PTPN20: variants seen among roughly 807,000 people sequenced by gnomAD.
PTPN20 encodes the protein protein tyrosine phosphatase non-receptor type 20, also known as tyrosine-protein phosphatase non-receptor type 20.
In PTPN20, 9 loss-of-function variants were observed where a neutral mutation model predicts 35.0. The observed-to-expected ratio is 0.26, with a 90% CI of 0.15 to 0.45. The LOEUF (loss-of-function observed/expected upper bound fraction) is 0.45. Ranked by LOEUF, PTPN20 falls within the 20% of genes least tolerant of loss-of-function variation. The probability of loss-of-function intolerance (pLI) is 1.00; values close to 1 mark genes in which losing one functional copy is unlikely to be tolerated. For missense variants in PTPN20, 111 were observed against 312.5 expected (o/e 0.36, Z 4.86); for synonymous variants, 32 against 100.2 (o/e 0.32, Z 4.06).
At chr10:46,927,692 GA>G (rs2132797218) in intron 1 of PTPN20, among the ~76,000 whole-genome samples, 2 of 148,320 alleles carry the variant, frequency 1.3e-5, no homozygotes, top group East Asian at 4.0e-4. Flanking sequence ...GGTTGACCTA[GA>G]AAAAAGTCTT....
chr10:47,000,593 A>G, intron 10 of PTPN20, 83 bp from the exon 11 acceptor site: 1 of 1,553,242 alleles, frequency 6.4e-7, no homozygotes, highest in Non-Finnish European at 8.8e-7. Flanking sequence ...AGTGTGGCTG[A>G]AAATTACAAA....
At position 46,931,414 on chromosome 10, in the gene PTPN20, T is replaced by C. The variant is rs531020756; in HGVS notation, c.-123-963T>C. Among the ~76,000 whole-genome samples the C allele has an allele frequency of 2.1e-5, 3 of 143,480 alleles. No individual in the cohort carries two copies. The South Asian group carries it at 6.5e-4, about 31-fold the overall frequency. 94.1% of individuals were successfully genotyped at this position (143,480 alleles called of 152,430 possible). A position where few individuals can be genotyped will look rare whatever the true frequency, so the allele number is the denominator to read the frequency against. ...TTTAATTTAGTTTAATTTTATTTTT[T>C]CTGCCACAGGGTCTGGCTCTGTTGC... On this transcript the variant is annotated intron_variant, in intron 1 of 10. Transcript: ENST00000374339.
chr10:46,940,971 C>A (rs1311535954), intron 3 of PTPN20, among the ~76,000 whole-genome samples: 1 of 151,702 alleles, frequency 6.6e-6, no homozygotes, highest in Non-Finnish European at 1.5e-5. Context: ...AATGAAGATA[C>A]AAAATAAATG....
intron 1 of PTPN20, among the ~76,000 whole-genome samples, chr10:46,923,594 A>T (rs1228385643): frequency 1.3e-5 from 2 of 151,364 alleles, no homozygotes; most frequent in African/African-American, 4.9e-5. Flanking sequence ...TTTCAACAGT[A>T]CCTTGTGGTC....
At chr10:47,003,235 C>T (rs2060134354), downstream of PTPN20, among the ~76,000 whole-genome samples, 1 of 151,974 alleles carries the variant, frequency 6.6e-6, no homozygotes, top group East Asian at 1.9e-4. Context: ...GTATCTGAAA[C>T]TTGAACGTGA....
chr10:46,997,861 AT>A (rs2059414817), intron 9 of PTPN20, among the ~76,000 whole-genome samples: 1 of 152,180 alleles, frequency 6.6e-6, no homozygotes. Flanking sequence ...ATGGAGTAGC[AT>A]TACACACCTA....
chr10:46,930,614 CAG>C (rs1168221947), intron 1 of PTPN20, among the ~76,000 whole-genome samples: 3 of 136,662 alleles, frequency 2.2e-5, no homozygotes, highest in East Asian at 2.2e-4. Context: ...TTAATTGAGA[CAG>C]AGTCTTGCTC....
At chr10:46,999,250 A>G (rs1275754472) in intron 9 of PTPN20, among the ~76,000 whole-genome samples, 1 of 152,188 alleles carries the variant, frequency 6.6e-6, no homozygotes, top group Non-Finnish European at 1.5e-5. Flanking sequence ...GTCTTGCTGA[A>G]ACGACTCATT....
intron 3 of PTPN20, among the ~76,000 whole-genome samples, chr10:46,940,942 G>A (rs1229879134): frequency 1.3e-5 from 2 of 151,918 alleles, no homozygotes; most frequent in Non-Finnish European, 2.9e-5. Flanking sequence ...AATTTTACAG[G>A]CACTAGTTTT....
intron 5 of PTPN20, among the ~76,000 whole-genome samples, chr10:46,948,219 C>T (rs1450463573): frequency 6.6e-6 from 1 of 152,104 alleles, no homozygotes; most frequent in Non-Finnish European, 1.5e-5. Context: ...CACCTTCTTA[C>T]AGATTCCGTC....
intron 2 of PTPN20, among the ~76,000 whole-genome samples, chr10:46,939,029 A>T (rs1482626297): frequency 6.6e-6 from 1 of 152,094 alleles, no homozygotes; most frequent in African/African-American, 2.4e-5. Flanking sequence ...TACAATTCTC[A>T]TAGACTTTTT....
At chr10:46,945,576 A>G (rs1316632640) in intron 4 of PTPN20, among the ~76,000 whole-genome samples, 2 of 152,344 alleles carry the variant, frequency 1.3e-5, no homozygotes, top group African/African-American at 4.8e-5. Context: ...AGGGGCCTTG[A>G]TTTATCCTGA....
chr10:47,000,601 A>C, intron 10 of PTPN20, 75 bp from the exon 11 acceptor site: 3 of 1,571,380 alleles, frequency 1.9e-6, no homozygotes, highest in Non-Finnish European at 2.6e-6. Flanking sequence ...TGAAAATTAC[A>C]AATGTGTTTT....
intron 7 of PTPN20, among the ~76,000 whole-genome samples, chr10:46,975,892 C>T (rs1478587542): frequency 6.6e-6 from 1 of 151,338 alleles, no homozygotes; most frequent in South Asian, 2.1e-4. Context: ...AACTCCTGAC[C>T]TCAGGTGATC....
rs995815949 is a variant in PTPN20, at chr10:46,996,395, A to C, written c.1135-3517A>C. On this transcript the variant is annotated intron_variant, in intron 9 of 10. Coordinates refer to ENST00000374339, the MANE Select transcript of PTPN20 (RefSeq NM_001042357.5). ...TGCTTGTTTTATAGTCAGTAAACTG[A>C]TTAAAAATTAGTAATTCAAATGTAT... 1.3e-5 allele frequency among the ~76,000 whole-genome samples: 2 copies of C among 152,376 alleles called. 1 individual carries two copies. Among genetic ancestry groups the C allele is most frequent in the South Asian group, 4.1e-4 (2 of 4,830 alleles).
chr10:46,999,737 A>G (rs572877672), intron 9 of PTPN20, among the ~76,000 whole-genome samples, 175 bp from the exon 10 acceptor site: 46 of 152,294 alleles, frequency 3.0e-4, no homozygotes, highest in Non-Finnish European at 5.6e-4. Context: ...CTGAAAACCT[A>G]TTAAAATAGT....
At chr10:46,937,252 T>C (rs2133657917) in intron 2 of PTPN20, among the ~76,000 whole-genome samples, 1 of 147,540 alleles carries the variant, frequency 6.8e-6, no homozygotes, top group Non-Finnish European at 1.5e-5. Flanking sequence ...TGATGAGAAA[T>C]CCATCATTCT....
intron 3 of PTPN20, among the ~76,000 whole-genome samples, chr10:46,941,175 C>G (rs1308161691): frequency 6.6e-6 from 1 of 151,002 alleles, no homozygotes; most frequent in African/African-American, 2.5e-5. Context: ...AAGGGAAATG[C>G]ATTTTAGTCT....
intron 7 of PTPN20, among the ~76,000 whole-genome samples, chr10:46,979,021 C>T (rs1247278535): frequency 2.0e-5 from 3 of 151,966 alleles, no homozygotes; most frequent in Non-Finnish European, 2.9e-5. Context: ...TCAATAACTT[C>T]CCAGACTTGA....
Sources: allele counts gnomAD v4.1 joint callset (sites outside exome capture counted in the v4.1 genomes callset), GRCh38; gene constraint gnomAD v4.1.1; transcripts MANE v1.5; gene names NCBI Gene and HGNC (gene_info 2026-07-23, HGNC 2026-07-21).